MAP3K4: variants seen among roughly 807,000 people sequenced by gnomAD.
MAP3K4 encodes MAP three kinase 1.
A neutral mutation model predicts 185.6 loss-of-function variants in MAP3K4; 67 were observed. The ratio of observed to expected loss-of-function variants is 0.36; its 90% CI spans 0.30 to 0.44. The LOEUF (loss-of-function observed/expected upper bound fraction) is 0.44. MAP3K4 is among the 20% of genes least tolerant of loss of function. The pLI is 1.00. For synonymous variants in MAP3K4, 702 were observed against 710.4 expected, an observed-to-expected ratio of 0.99 and a Z score of 0.19; for missense variants, 1,551 against 1,995.1, an observed-to-expected ratio of 0.78 and a Z score of 4.24.
rs1405493127 is a variant in MAP3K4 at position 161,022,933 on chromosome 6, A to G, written c.153-11326A>G. 6.6e-6 allele frequency among the ~76,000 whole-genome samples: 1 copy of G among 152,182 alleles called. No homozygotes were observed. Among genetic ancestry groups the G allele is most frequent in the African/African-American group, 2.4e-5 (1 of 41,438 alleles). ...GTAGCAATTATACTGTTACAGTGAA[A>G]ATTCTTCATAACTTAATGGGTAACA... On this transcript the variant is annotated intron_variant, in intron 1 of 26. Coordinates refer to ENST00000392142, the MANE Select transcript of MAP3K4 (RefSeq NM_005922.4). The surrounding 1 kb of genome is among the most constrained non-coding windows in gnomAD (Gnocchi z 4.2).
intron 3 of MAP3K4, among the ~76,000 whole-genome samples, chr6:161,069,313 T>A (rs1283873579): frequency 1.3e-5 from 2 of 152,110 alleles, no homozygotes; most frequent in Non-Finnish European, 2.9e-5. Flanking sequence ...TGGCATGCTG[T>A]TGGGGGCGAG....
rs903102232 is a variant in MAP3K4, at chr6:160,995,227, G to T, written c.152+3144G>T. 3.4e-4 allele frequency among the ~76,000 whole-genome samples: 52 copies of T among 152,092 alleles called. 2 individuals carry two copies. Reference sequence around the variant, plus strand: ...ATGTTGAGCATTTTTTCTTATGTTTGTTGAAAATGTGTGAAATGCCACCTT... The same window carrying T: ...ATGTTGAGCATTTTTTCTTATGTTTTTTGAAAATGTGTGAAATGCCACCTT... On this transcript the variant is annotated intron_variant, in intron 1 of 26. Coordinates refer to ENST00000392142, the MANE Select transcript of MAP3K4 (RefSeq NM_005922.4).
At chr6:160,999,382 A>C (rs556568994) in intron 1 of MAP3K4, among the ~76,000 whole-genome samples, 2 of 152,360 alleles carry the variant, frequency 1.3e-5, no homozygotes, top group South Asian at 4.1e-4. Flanking sequence ...AAAAATGTAG[A>C]TATAACTTGG....
In MAP3K4 at chr6:161,107,076, ACACG is replaced by A. The variant is rs1778116320; in HGVS notation, c.4048+374_4048+377del. Among the ~76,000 whole-genome samples the A allele has an allele frequency of 2.7e-5, 4 of 150,818 alleles. No individual in the cohort carries two copies. Among genetic ancestry groups the A allele is most frequent in the Admixed American group, 6.6e-5 (1 of 15,206 alleles). On this transcript the variant is annotated intron_variant, in intron 20 of 26. Transcript: ENST00000392142. The surrounding 1 kb of genome is among the most constrained non-coding windows in gnomAD (Gnocchi z 6.2). ...CACACACACACACACACACACACAC[ACACG>A]CAGAACGTGATTTGAAGAGAGACTG...
At chr6:161,055,461 A>G (rs1266881080) in intron 3 of MAP3K4, among the ~76,000 whole-genome samples, 2 of 152,240 alleles carry the variant, frequency 1.3e-5, no homozygotes, top group Non-Finnish European at 2.9e-5. Context: ...GAATTCTTAT[A>G]TGCTCTTCAT....
chr6:161,071,596 G>T lies in MAP3K4; in HGVS notation c.1950+746G>T, dbSNP rs1784947002. Among the ~76,000 whole-genome samples the T allele has an allele frequency of 6.6e-6, 1 of 152,146 alleles. No homozygotes were observed. The highest frequency in any genetic ancestry group is 2.1e-4 in the South Asian group (1 of 4,818). Reference sequence around the variant, plus strand: ...AGCATAGGTGAGCAGTGCAGATTGAGGAAAGGCAGGTGAATACAGGTCATA... The same window carrying T: ...AGCATAGGTGAGCAGTGCAGATTGATGAAAGGCAGGTGAATACAGGTCATA... On this transcript the variant is annotated intron_variant, in intron 4 of 26. Transcript: ENST00000392142. The surrounding 1 kb of genome is among the most constrained non-coding windows in gnomAD (Gnocchi z 4.6).
At position 161,097,035 on chromosome 6, in the gene MAP3K4, TG is replaced by T; in HGVS notation, c.3428-43del. On this transcript the variant is annotated intron_variant, in intron 15 of 26. Coordinates refer to ENST00000392142, the MANE Select transcript of MAP3K4 (RefSeq NM_005922.4). The surrounding 1 kb of genome is among the most constrained non-coding windows in gnomAD (Gnocchi z 4.9). ...GACTGTTTGGTTTGATGATTTTCTG[TG>T]GACCATATTAACAAGTTGCATTTGT... 1 of 1,490,960 alleles carries T rather than the reference TG, an allele frequency of 6.7e-7. No individual in the cohort carries two copies. Among genetic ancestry groups the T allele is most frequent in the Non-Finnish European group, 9.4e-7 (1 of 1,068,010 alleles). The allele number at this position is 1,490,960 out of a possible 1,614,324, so 92.4% of individuals were successfully genotyped here. A position where few individuals can be genotyped will look rare whatever the true frequency, so the allele number is the denominator to read the frequency against.
At position 161,001,529 on chromosome 6, in the gene MAP3K4, G is replaced by A. The variant is rs1368191618; in HGVS notation, c.152+9446G>A. Among the ~76,000 whole-genome samples, 3 of 152,022 alleles carry A rather than the reference G, an allele frequency of 2.0e-5. No individual in the cohort carries two copies. The East Asian group carries it at 5.8e-4, about 29-fold the overall frequency. The stretch of plus-strand genomic sequence containing the variant: ...TGCCACCATTTGTAATTATATATTT[G>A]TGTACATATTTGTTTATTATGTTTG... On this transcript the variant is annotated intron_variant, in intron 1 of 26. Transcript: ENST00000392142.
intron 1 of MAP3K4, among the ~76,000 whole-genome samples, chr6:161,019,976 A>G (rs1782302159): frequency 6.6e-6 from 1 of 152,208 alleles, no homozygotes; most frequent in Admixed American, 6.5e-5. Flanking sequence ...ATCTTTTGAC[A>G]CTTATATGAT....
rs1353650676 is a variant in MAP3K4, at chr6:161,084,384, T to A, written c.2256-117T>A. On this transcript the variant is annotated intron_variant, in intron 6 of 26. Coordinates refer to ENST00000392142, the MANE Select transcript of MAP3K4 (RefSeq NM_005922.4). This position sits in a 1 kb window ranked among gnomAD's most constrained non-coding sequence, Gnocchi z 4.6. ...TATTAAAAGAAGAGAAATTTTTCAT[T>A]TTTGATTTTTAAACCATTAGAGCAG... 1.6e-6 allele frequency: 1 copy of A among 609,328 alleles called. No homozygotes were observed. Among genetic ancestry groups the A allele is most frequent in the African/African-American group, 1.8e-5 (1 of 54,902 alleles). 37.7% of individuals were successfully genotyped at this position (609,328 alleles called of 1,614,324 possible).
chr6:161,089,948 A>G (rs918564471), intron 11 of MAP3K4, among the ~76,000 whole-genome samples: 2 of 152,228 alleles, frequency 1.3e-5, no homozygotes, highest in African/African-American at 4.8e-5. Flanking sequence ...GTTTATGACA[A>G]GCCCCAGCCT....
rs1261388042 is a variant in MAP3K4, at chr6:161,109,175, G to T, written c.4236+316G>T. ...TTTTCCGTTTTTTTGCTGAACCACT[G>T]TTGAGTACACTGTTAAGTAATACTG... is the stretch of plus-strand genomic sequence containing the variant. On this transcript the variant is annotated intron_variant, in intron 22 of 26. Transcript: ENST00000392142. This position sits in a 1 kb window ranked among gnomAD's most constrained non-coding sequence, Gnocchi z 5.7. 7.7e-6 allele frequency: 4 copies of T among 521,062 alleles called. No homozygotes were observed. Among genetic ancestry groups the T allele is most frequent in the African/African-American group, 7.7e-5 (4 of 52,228 alleles). The allele number at this position is 521,062 out of a possible 1,614,324, so 32.3% of individuals were successfully genotyped here.
At chr6:161,039,292 A>C (rs1366098205) in intron 2 of MAP3K4, among the ~76,000 whole-genome samples, 1 of 151,840 alleles carries the variant, frequency 6.6e-6, no homozygotes, top group Admixed American at 6.6e-5. Context: ...AAAAAAAAAA[A>C]AAAAAAAACA....
chr6:161,041,050 A>G (rs953133735), intron 2 of MAP3K4, among the ~76,000 whole-genome samples: 4 of 152,226 alleles, frequency 2.6e-5, no homozygotes, highest in Admixed American at 2.0e-4. Context: ...TGAAGCAGCC[A>G]TGTCCAGAGT....
intron 1 of MAP3K4, among the ~76,000 whole-genome samples, chr6:160,998,694 T>A (rs1449650841): frequency 6.6e-6 from 1 of 152,250 alleles, no homozygotes; most frequent in Non-Finnish European, 1.5e-5. Flanking sequence ...TAGGGTGGTC[T>A]TTTACATTAA....
chr6:161,106,999 A>G lies in MAP3K4; in HGVS notation c.4048+294A>G, dbSNP rs1036534290. Among the ~76,000 whole-genome samples, 2 of 151,784 alleles carry G rather than the reference A, an allele frequency of 1.3e-5. No individual in the cohort carries two copies. Among genetic ancestry groups the G allele is most frequent in the Non-Finnish European group, 2.9e-5 (2 of 67,970 alleles). On this transcript the variant is annotated intron_variant, in intron 20 of 26. Transcript: ENST00000392142. The surrounding 1 kb of genome is among the most constrained non-coding windows in gnomAD (Gnocchi z 4.9). ...GGAATTTGCCAGTGGAGAGGTACCAAAATTTGACCCATTTGTTCTAGTTTC... is the reference window on the plus strand; with the variant it reads ...GGAATTTGCCAGTGGAGAGGTACCAGAATTTGACCCATTTGTTCTAGTTTC...
intron 1 of MAP3K4, among the ~76,000 whole-genome samples, chr6:161,033,776 A>G (rs1477536655): frequency 6.6e-6 from 1 of 152,114 alleles, no homozygotes; most frequent in East Asian, 1.9e-4. Context: ...GCTCCTATAC[A>G]TTCTGTTTTC....
rs921626488 is a variant in MAP3K4 at position 161,034,108 on chromosome 6, A to G, written c.153-151A>G. The G allele has an allele frequency of 7.1e-6, 4 of 561,318 alleles. No homozygotes were observed. In the African/African-American group the frequency reaches 7.6e-5, roughly 11 times the overall value. 34.8% of individuals were successfully genotyped at this position (561,318 alleles called of 1,614,324 possible). ...AAGCAAAAGAAAAGTTCTCCTTTTG[A>G]GTTTTCACAGGTAAAAATGAGGAGG... On this transcript the variant is annotated intron_variant, in intron 1 of 26. Coordinates refer to ENST00000392142, the MANE Select transcript of MAP3K4 (RefSeq NM_005922.4). This position sits in a 1 kb window ranked among gnomAD's most constrained non-coding sequence, Gnocchi z 4.4.
At chr6:161,085,160 C>T (rs1398814878) in intron 7 of MAP3K4, among the ~76,000 whole-genome samples, 2 of 145,710 alleles carry the variant, frequency 1.4e-5, no homozygotes, top group Non-Finnish European at 3.0e-5. Context: ...AAAAAAAAAA[C>T]TAAAGATAAA....
Sources: gnomAD v4.1 joint callset for allele counts (sites outside exome capture counted in the v4.1 genomes callset) on GRCh38, gnomAD v4.1.1 for gene constraint, Gnocchi (gnomAD v3.1) non-coding constraint, MANE v1.5 for transcripts, NCBI Gene and HGNC (gene_info 2026-07-23, HGNC 2026-07-21) for gene names.